EIF2AK1: variants seen among roughly 807,000 people sequenced by gnomAD.
The protein encoded by EIF2AK1 is eukaryotic translation initiation factor 2 alpha kinase 1, also known as eukaryotic translation initiation factor 2-alpha kinase 1.
EIF2AK1 carries 54 observed loss-of-function variants against 77.9 expected under a neutral mutation model. The observed-to-expected ratio is 0.69, with a 90% CI of 0.56 to 0.87. The LOEUF is 0.87. EIF2AK1 is among the 40% of genes least tolerant of loss of function. The pLI, the probability that EIF2AK1 is intolerant of heterozygous loss-of-function variation, is 0.00. For synonymous variants in EIF2AK1, 314 were observed against 290.5 expected (o/e 1.08, Z -0.82); for missense variants, 810 against 768.6 (o/e 1.05, Z -0.64).
At chr7:6,056,488 G>A (rs1441864847) in intron 1 of EIF2AK1, among the ~76,000 whole-genome samples, 4 of 148,890 alleles carry the variant, frequency 2.7e-5, no homozygotes, top group South Asian at 2.1e-4. Flanking sequence ...CAGCTACTCC[G>A]GTGGCTGAGG....
In EIF2AK1 at chr7:6,024,013, CAG is replaced by C. The variant is rs1787663069; in HGVS notation, c.*658_*659del. Reference sequence around the variant, plus strand: ...CAATAAAGGAGGAAGTACCGGGGAACAGTGCAGGGCAAAGGCAGGAAAGAGAT... The same window carrying C: ...CAATAAAGGAGGAAGTACCGGGGAACTGCAGGGCAAAGGCAGGAAAGAGAT... On this transcript the variant is annotated 3_prime_UTR_variant, in exon 15 of 15. Transcript: ENST00000199389. The C allele has an allele frequency of 7.5e-7, 1 of 1,329,190 alleles. No individual in the cohort carries two copies. The highest frequency in any genetic ancestry group is 9.8e-7 in the Non-Finnish European group (1 of 1,016,212). 82.3% of individuals were successfully genotyped at this position (1,329,190 alleles called of 1,614,324 possible).
chr7:6,059,139 C>T lies in EIF2AK1; in HGVS notation c.-56G>A. ...CGCCGGCCAGCCCAGCACTGCCACA[C>T]TCCGATGCTGCAGCTAGCGCCGTCC... On this transcript the variant is annotated 5_prime_UTR_variant, in exon 1 of 15. It adds an upstream start codon to the 5' untranslated region. Coordinates refer to ENST00000199389, the MANE Select transcript of EIF2AK1 (RefSeq NM_014413.4). 8.5e-7 allele frequency: 1 copy of T among 1,174,996 alleles called. No homozygotes were observed. Among genetic ancestry groups the T allele is most frequent in the South Asian group, 2.0e-5 (1 of 49,590 alleles). 72.8% of individuals were successfully genotyped at this position (1,174,996 alleles called of 1,614,324 possible). A position where few individuals can be genotyped will look rare whatever the true frequency, so the allele number is the denominator to read the frequency against.
intron 6 of EIF2AK1, among the ~76,000 whole-genome samples, chr7:6,045,792 C>A (rs1788430638): frequency 6.7e-6 from 1 of 148,698 alleles, no homozygotes; most frequent in Non-Finnish European, 1.5e-5. Flanking sequence ...GTAATCCCAG[C>A]TACTTGGGAG....
rs1788436786 is a variant in EIF2AK1, at chr7:6,046,066, C to G, written c.630+5G>C. ...TTCAAAATAAGTAATTTTTAAAAAT[C>G]ATACCTTCATGCAAACTGTTTTAGT... On this transcript the variant is annotated splice_donor_5th_base_variant and intron_variant, in intron 6 of 14. Coordinates refer to ENST00000199389, the MANE Select transcript of EIF2AK1 (RefSeq NM_014413.4). 1 of 1,513,484 alleles carries G rather than the reference C, an allele frequency of 6.6e-7. No individual in the cohort carries two copies. Among genetic ancestry groups the G allele is most frequent in the South Asian group, 1.2e-5 (1 of 82,070 alleles). 93.8% of individuals were successfully genotyped at this position (1,513,484 alleles called of 1,614,324 possible).
At chr7:6,041,906 T>C (rs1443146745) in intron 8 of EIF2AK1, among the ~76,000 whole-genome samples, 1 of 151,414 alleles carries the variant, frequency 6.6e-6, no homozygotes, top group East Asian at 1.9e-4. Context: ...CCCAACACTT[T>C]GGTAAACCAA....
intron 14 of EIF2AK1, 145 bp downstream of exon 14, chr7:6,026,580 GGAC>G: frequency 1.4e-6 from 1 of 733,312 alleles, no homozygotes. Context: ...GCCAGGAAGT[GGAC>G]GAGAACAAAC....
At chr7:6,025,173 T>C (rs1424135617) in intron 14 of EIF2AK1, among the ~76,000 whole-genome samples, 1 of 152,116 alleles carries the variant, frequency 6.6e-6, no homozygotes, top group Non-Finnish European at 1.5e-5. Context: ...TTTTGCAAGA[T>C]AGTAGAAATC....
At chr7:6,040,461 G>A (rs778894066) in intron 9 of EIF2AK1, among the ~76,000 whole-genome samples, 27 of 152,168 alleles carry the variant, frequency 1.8e-4, no homozygotes, top group Non-Finnish European at 3.2e-4. Flanking sequence ...AGAGCCTCCT[G>A]AAAACTACAA....
At position 6,036,543 on chromosome 7, in the gene EIF2AK1, T is replaced by A. The variant is rs1363667031; in HGVS notation, c.1332+881A>T. On this transcript the variant is annotated intron_variant, in intron 11 of 14. Transcript: ENST00000199389. The surrounding 1 kb of genome is among the most constrained non-coding windows in gnomAD (Gnocchi z 4.6). Reference sequence around the variant, plus strand: ...ACATGTTCCAAAATACAAAGTGATTTGTCTATTAACATTTTTGTTCCTAGG... The same window carrying A: ...ACATGTTCCAAAATACAAAGTGATTAGTCTATTAACATTTTTGTTCCTAGG... Among the ~76,000 whole-genome samples, 1 of 152,036 alleles carries A rather than the reference T, an allele frequency of 6.6e-6. No homozygotes were observed. The highest frequency in any genetic ancestry group is 1.9e-4 in the East Asian group (1 of 5,154).
In EIF2AK1 at chr7:6,027,011, G is replaced by A. The variant is rs1787767160; in HGVS notation, c.1531-50C>T. 6.7e-7 allele frequency: 1 copy of A among 1,483,848 alleles called. No individual in the cohort carries two copies. Among genetic ancestry groups the A allele is most frequent in the Non-Finnish European group, 9.4e-7 (1 of 1,068,948 alleles). 91.9% of individuals were successfully genotyped at this position (1,483,848 alleles called of 1,614,324 possible). On this transcript the variant is annotated intron_variant, in intron 13 of 14. Coordinates refer to ENST00000199389, the MANE Select transcript of EIF2AK1 (RefSeq NM_014413.4). This position sits in a 1 kb window ranked among gnomAD's most constrained non-coding sequence, Gnocchi z 4.5. The stretch of plus-strand genomic sequence containing the variant: ...TCAGTAGTGAAATACAAAGTTAGAA[G>A]AACGTTTCCATTTCCGTGTTCCACC...
At chr7:6,048,475 G>C (rs1300321772) in intron 4 of EIF2AK1, among the ~76,000 whole-genome samples, 1 of 152,118 alleles carries the variant, frequency 6.6e-6, no homozygotes, top group Non-Finnish European at 1.5e-5. Flanking sequence ...TCTATTCATG[G>C]GCTGATGAAT....
In EIF2AK1 at chr7:6,032,928, A is replaced by G. The variant is rs1787959018; in HGVS notation, c.1333-3896T>C. 2 of 1,550,134 alleles carry G rather than the reference A, an allele frequency of 1.3e-6. No individual in the cohort carries two copies. Among genetic ancestry groups the G allele is most frequent in the South Asian group, 2.4e-5 (2 of 83,918 alleles). On this transcript the variant is annotated intron_variant, in intron 11 of 14. Transcript: ENST00000199389. The surrounding 1 kb of genome is among the most constrained non-coding windows in gnomAD (Gnocchi z 4.3). ...GCCTGTTACGGCACGGTGCTGACCCAGAAGTCAGGTAAGTTAACTCCACCG... is the reference window on the plus strand; with the variant it reads ...GCCTGTTACGGCACGGTGCTGACCCGGAAGTCAGGTAAGTTAACTCCACCG...
chr7:6,055,930 C>T (rs1281117341), intron 1 of EIF2AK1, among the ~76,000 whole-genome samples: 1 of 130,628 alleles, frequency 7.7e-6, no homozygotes, highest in Non-Finnish European at 1.5e-5. Flanking sequence ...TTGAGATGAG[C>T]TGAGATCGTG....
intron 1 of EIF2AK1, chr7:6,058,136 G>C: frequency 2.2e-6 from 1 of 455,764 alleles, no homozygotes; most frequent in Non-Finnish European, 4.4e-6. Context: ...GGGGCTGAGA[G>C]TGGTGGCTCA....
intron 8 of EIF2AK1, among the ~76,000 whole-genome samples, chr7:6,042,450 CA>C (rs1156450907): frequency 0.089 from 9,331 of 104,834 alleles, 517 homozygotes; most frequent in East Asian, 0.4. Flanking sequence ...GACTCCATCT[CA>C]AAAAAAAAAA....
rs1280990705 is a variant in EIF2AK1, at chr7:6,027,916, G to T, written c.1530+699C>A. On this transcript the variant is annotated intron_variant, in intron 13 of 14. Coordinates refer to ENST00000199389, the MANE Select transcript of EIF2AK1 (RefSeq NM_014413.4). The surrounding 1 kb of genome is among the most constrained non-coding windows in gnomAD (Gnocchi z 4.5). ...TCTCTACAAATAATTTTTTTTATTA[G>T]CTGGGTGTGGTAGCACAACTCTTGA... The T allele has an allele frequency of 4.4e-6, 2 of 451,830 alleles. No homozygotes were observed. Among genetic ancestry groups the T allele is most frequent in the Admixed American group, 4.8e-5 (2 of 41,930 alleles). 28.0% of individuals were successfully genotyped at this position (451,830 alleles called of 1,614,324 possible).
At chr7:6,030,636 C>T (rs894029345) in intron 11 of EIF2AK1, among the ~76,000 whole-genome samples, 2 of 152,142 alleles carry the variant, frequency 1.3e-5, no homozygotes, top group African/African-American at 2.4e-5. Context: ...GTAGCTGGGA[C>T]TACAGGCGCA....
In EIF2AK1 at chr7:6,024,643, A is replaced by G. The variant is rs1447346837; in HGVS notation, c.*30T>C. 6.2e-7 allele frequency: 1 copy of G among 1,613,470 alleles called. No homozygotes were observed. Among genetic ancestry groups the G allele is most frequent in the Non-Finnish European group, 8.5e-7 (1 of 1,179,866 alleles). ...AATAAAGATTAAAAATTTACATTCC[A>G]GTTAACTACCTTAAAAGTTAAGTCC... On this transcript the variant is annotated 3_prime_UTR_variant, in exon 15 of 15. Transcript: ENST00000199389.
chr7:6,050,809 T>G, intron 2 of EIF2AK1, among the ~76,000 whole-genome samples: 1 of 151,696 alleles, frequency 6.6e-6, no homozygotes. Context: ...TTCACTGTGT[T>G]AGCCAGGATG....
Sources: gnomAD v4.1 joint callset for allele counts (sites outside exome capture counted in the v4.1 genomes callset) on GRCh38, gnomAD v4.1.1 for gene constraint, Gnocchi (gnomAD v3.1) non-coding constraint, MANE v1.5 for transcripts, NCBI Gene and HGNC (gene_info 2026-07-23, HGNC 2026-07-21) for gene names.